ALDH18A1: variants seen among roughly 807,000 people sequenced by gnomAD.
ALDH18A1 encodes delta-1-pyrroline-5-carboxylate synthase.
In ALDH18A1, 44 loss-of-function variants were observed where a neutral mutation model predicts 88.8. That is an observed-to-expected ratio of 0.50 (90% CI 0.39 to 0.64). The LOEUF is 0.64. Ranked by LOEUF, ALDH18A1 falls within the 30% of genes least tolerant of loss-of-function variation. The probability of loss-of-function intolerance (pLI) is 0.00; values close to 1 mark genes in which losing one functional copy is unlikely to be tolerated. For synonymous variants in ALDH18A1, 331 were observed against 372.1 expected, an observed-to-expected ratio of 0.89 and a Z score of 1.27; for missense variants, 782 against 1,009.5, an observed-to-expected ratio of 0.77 and a Z score of 3.05.
At position 95,628,359 on chromosome 10, in the gene ALDH18A1, G is replaced by T; in HGVS notation, c.933+9C>A. 1 of 1,614,132 alleles carries T rather than the reference G, an allele frequency of 6.2e-7. No homozygotes were observed. Among genetic ancestry groups the T allele is most frequent in the Non-Finnish European group, 8.5e-7 (1 of 1,179,968 alleles). ...ATTGTTATAGGCAGTTAAGGCACCA[G>T]ATTCTTACCTTGGCTTCCATGCCAC... is the stretch of plus-strand genomic sequence containing the variant. On this transcript the variant is annotated intron_variant, in intron 8 of 17. Transcript: ENST00000371224.
chr10:95,616,388 G>A, intron 13 of ALDH18A1, 89 bp downstream of exon 13: 1 of 1,510,118 alleles, frequency 6.6e-7, no homozygotes, highest in Non-Finnish European at 9.0e-7. Context: ...GTAGTGTCTT[G>A]GCTCTGTGTG....
intron 1 of ALDH18A1, among the ~76,000 whole-genome samples, chr10:95,655,822 A>G (rs2097917211): frequency 6.6e-6 from 1 of 152,210 alleles, no homozygotes; most frequent in Non-Finnish European, 1.5e-5. Context: ...ACATTTCTCA[A>G]TATCTCTTTA....
chr10:95,638,109 G>C (rs1216411546), intron 3 of ALDH18A1, among the ~76,000 whole-genome samples: 3 of 152,122 alleles, frequency 2.0e-5, no homozygotes, highest in Admixed American at 2.0e-4. Context: ...GGCTGCCTAG[G>C]CTCAAGTGAT....
At chr10:95,617,884 T>C (rs895699608) in intron 12 of ALDH18A1, among the ~76,000 whole-genome samples, 2 of 152,094 alleles carry the variant, frequency 1.3e-5, no homozygotes, top group African/African-American at 2.4e-5. Flanking sequence ...CAGTCATCAC[T>C]GGGGCATTTC....
intron 1 of ALDH18A1, 48 bp downstream of exon 1, chr10:95,656,549 T>C (rs2097918420): frequency 6.6e-6 from 1 of 152,274 alleles, no homozygotes; most frequent in Non-Finnish European, 1.5e-5. Context: ...GCGCAACAGC[T>C]TCCGCAGAGA....
intron 3 of ALDH18A1, among the ~76,000 whole-genome samples, chr10:95,638,055 C>T (rs1015643737): frequency 6.6e-6 from 1 of 152,140 alleles, no homozygotes; most frequent in Non-Finnish European, 1.5e-5. Flanking sequence ...GCTCTGTCGC[C>T]CAGGCTGGAG....
At chr10:95,652,040 A>G (rs954498002) in intron 2 of ALDH18A1, among the ~76,000 whole-genome samples, 2 of 152,256 alleles carry the variant, frequency 1.3e-5, no homozygotes, top group African/African-American at 4.8e-5. Flanking sequence ...CATACTTCTC[A>G]GTAATAAAAA....
At chr10:95,615,872 T>C (rs2097843353) in intron 13 of ALDH18A1, among the ~76,000 whole-genome samples, 1 of 152,210 alleles carries the variant, frequency 6.6e-6, no homozygotes, top group Admixed American at 6.5e-5. Flanking sequence ...TTTTTCCCAA[T>C]GTAGAAAATG....
At chr10:95,617,195 C>T (rs1439393806) in intron 12 of ALDH18A1, among the ~76,000 whole-genome samples, 2 of 152,176 alleles carry the variant, frequency 1.3e-5, no homozygotes, top group East Asian at 1.9e-4. Flanking sequence ...TGCAGTCAGC[C>T]GAGATTGCAC....
At chr10:95,648,319 CTTCATCATCATCA>C (rs2097904513) in intron 2 of ALDH18A1, among the ~76,000 whole-genome samples, 1 of 85,472 alleles carries the variant, frequency 1.2e-5, no homozygotes, top group Admixed American at 1.3e-4. Flanking sequence ...CATATTCTAC[CTTCATCATCATCA>C]TCATCATCAT....
At chr10:95,635,425 C>T (rs970382778) in intron 5 of ALDH18A1, among the ~76,000 whole-genome samples, 1 of 152,126 alleles carries the variant, frequency 6.6e-6, no homozygotes, top group Non-Finnish European at 1.5e-5. Context: ...GGGAAAAGTA[C>T]GTGTTTAGAC....
In ALDH18A1 at chr10:95,606,688, C is replaced by T. The variant is rs997892959; in HGVS notation, c.*74G>A. ...CCTACCAGGAACTGGGAGACAAGAG[C>T]GGGCTCTCTCCTGAGATAAGACAAG... On this transcript the variant is annotated 3_prime_UTR_variant, in exon 18 of 18. Coordinates refer to ENST00000371224, the MANE Select transcript of ALDH18A1 (RefSeq NM_002860.4). The T allele has an allele frequency of 1.2e-5, 20 of 1,612,360 alleles. No homozygotes were observed. Among genetic ancestry groups the T allele is most frequent in the African/African-American group, 2.7e-5 (2 of 74,904 alleles).
chr10:95,642,677 A>G (rs909734590), intron 3 of ALDH18A1, among the ~76,000 whole-genome samples: 4 of 151,530 alleles, frequency 2.6e-5, no homozygotes, highest in African/African-American at 7.3e-5. Flanking sequence ...GTGAAGCCCA[A>G]GCATCTCCAG....
chr10:95,653,478 C>T, intron 1 of ALDH18A1, 73 bp from the exon 2 acceptor site: 6 of 1,288,002 alleles, frequency 4.7e-6, no homozygotes, highest in Non-Finnish European at 6.7e-6. Context: ...CTCTACTTCC[C>T]CTTACCCTCG....
In ALDH18A1 at chr10:95,619,194, A is replaced by T. The variant is rs556721702; in HGVS notation, c.1467+1837T>A. On this transcript the variant is annotated intron_variant, in intron 12 of 17. Coordinates refer to ENST00000371224, the MANE Select transcript of ALDH18A1 (RefSeq NM_002860.4). ...GAGTGAACTCCCATTCACAATTGCT[A>T]CAAAGAGAATAAAATACCTAGGAAT... 2.2e-4 allele frequency among the ~76,000 whole-genome samples: 33 copies of T among 152,268 alleles called. No homozygotes were observed. The South Asian group carries it at 6.2e-3, about 29-fold the overall frequency.
intron 3 of ALDH18A1, among the ~76,000 whole-genome samples, chr10:95,638,075 A>G (rs1471985652): frequency 6.6e-6 from 1 of 151,960 alleles, no homozygotes; most frequent in Non-Finnish European, 1.5e-5. Flanking sequence ...GTGCCGTGGC[A>G]TGAATGTGGC....
intron 13 of ALDH18A1, 29 bp from the exon 14 acceptor site, chr10:95,614,190 G>C: frequency 6.2e-7 from 1 of 1,608,330 alleles, no homozygotes; most frequent in Non-Finnish European, 8.5e-7. Flanking sequence ...AAAAGATAAA[G>C]ATGACATCTG....
intron 2 of ALDH18A1, among the ~76,000 whole-genome samples, chr10:95,644,606 G>A (rs1030013199): frequency 6.6e-6 from 1 of 152,126 alleles, no homozygotes; most frequent in Non-Finnish European, 1.5e-5. Context: ...TTACCCATTC[G>A]CCCTTTCTCA....
rs2139642020 is a variant in ALDH18A1, at chr10:95,643,015, G to A, written c.280C>T (p.Arg94Cys). 2 of 1,613,666 alleles carry A rather than the reference G, an allele frequency of 1.2e-6. No individual in the cohort carries two copies. The highest frequency in any genetic ancestry group is 1.7e-6 in the Non-Finnish European group (2 of 1,179,926). The change falls in exon 3 of 18, where the codon CGC (arginine) becomes TGC (cysteine). Residue 94 changes from arginine to cysteine, a missense_variant. This residue lies in a region of ALDH18A1 where 132 missense variants were observed against 255.5 expected (regional missense o/e 0.52). Transcript: ENST00000371224. The stretch of plus-strand genomic sequence containing the variant: ...ACCTGCTCAACAATAGATGCCAAGC[G>A]CCCCAGGGCCAGGCCACATTCATCC... ...RGDECGLALG[R>C]LASIVEQVSV...
Sources: gnomAD v4.1 joint callset for allele counts (sites outside exome capture counted in the v4.1 genomes callset) on GRCh38, gnomAD v4.1.1 for gene constraint, gnomAD v4.1.1 regional missense constraint, MANE v1.5 for transcripts, NCBI Gene and HGNC (gene_info 2026-07-23, HGNC 2026-07-21) for gene names.